Variants in KCNH7 observed in about 807,000 individuals in gnomAD.
KCNH7 encodes the protein potassium voltage-gated channel subfamily H member 7.
Under a neutral mutation model 120.8 loss-of-function variants are expected in KCNH7, and 49 were observed. The observed-to-expected ratio is 0.41, with a 90% CI of 0.32 to 0.51. The LOEUF (loss-of-function observed/expected upper bound fraction) is 0.51, where lower values mean the gene tolerates loss of function less well. KCNH7 is among the 20% of genes least tolerant of loss of function. KCNH7 has a pLI of 0.38. For missense variants in KCNH7, 1,097 were observed against 1,446.6 expected (o/e 0.76, Z 3.92); for synonymous variants, 547 against 516.1 (o/e 1.06, Z -0.81).
intron 6 of KCNH7, among the ~76,000 whole-genome samples, chr2:162,476,115 C>T (rs1057129019): frequency 2.0e-5 from 3 of 152,192 alleles, no homozygotes; most frequent in Non-Finnish European, 2.9e-5. Flanking sequence ...TATGAAGCCT[C>T]CCAAAGCCTG....
chr2:162,483,388 C>T (rs985624), intron 6 of KCNH7, among the ~76,000 whole-genome samples: 2,200 of 152,144 alleles, frequency 0.014, 62 homozygotes, highest in African/African-American at 0.049. Flanking sequence ...CCATATTTTG[C>T]TACATGGTCT....
intron 2 of KCNH7, among the ~76,000 whole-genome samples, chr2:162,593,399 C>T (rs1010785865): frequency 7.2e-5 from 11 of 152,148 alleles, no homozygotes; most frequent in African/African-American, 1.2e-4. Context: ...ATATTAAACA[C>T]TTCCAAATGC....
At chr2:162,688,840 G>C (rs1302044078) in intron 2 of KCNH7, among the ~76,000 whole-genome samples, 1 of 151,332 alleles carries the variant, frequency 6.6e-6, no homozygotes, top group Non-Finnish European at 1.5e-5. Context: ...GTCTCCCAGA[G>C]TTTTATAAGC....
At chr2:162,798,481 A>C (rs1245575076) in intron 2 of KCNH7, among the ~76,000 whole-genome samples, 2 of 152,054 alleles carry the variant, frequency 1.3e-5, no homozygotes, top group African/African-American at 4.8e-5. Context: ...ATATTAGGTG[A>C]CAGAATCTTG....
chr2:162,444,946 T>C (rs763721250), intron 7 of KCNH7, among the ~76,000 whole-genome samples: 1 of 151,660 alleles, frequency 6.6e-6, no homozygotes, highest in Non-Finnish European at 1.5e-5. Flanking sequence ...GAGGAGAAGG[T>C]AATATTATTA....
intron 2 of KCNH7, among the ~76,000 whole-genome samples, chr2:162,679,611 T>G (rs528823887): frequency 6.6e-6 from 1 of 151,716 alleles, no homozygotes; most frequent in Non-Finnish European, 1.5e-5. Context: ...CTTGCTTTTT[T>G]GTTATGAGTT....
intron 9 of KCNH7, among the ~76,000 whole-genome samples, chr2:162,411,063 A>G (rs1687377637): frequency 6.6e-6 from 1 of 152,106 alleles, no homozygotes; most frequent in African/African-American, 2.4e-5. Context: ...AGAACTTAAA[A>G]GAGAACTATT....
chr2:162,499,885 G>A (rs1178749472), intron 6 of KCNH7, among the ~76,000 whole-genome samples: 2 of 151,858 alleles, frequency 1.3e-5, no homozygotes, highest in East Asian at 3.9e-4. Flanking sequence ...CCTTCAAAAC[G>A]CACTTAAGGG....
intron 2 of KCNH7, among the ~76,000 whole-genome samples, chr2:162,752,908 G>T (rs143284179): frequency 8.3e-5 from 3 of 35,968 alleles, no homozygotes; most frequent in African/African-American, 2.6e-4. Flanking sequence ...CTCAGAAAAA[G>T]AAAAGAAAAG....
chr2:162,488,610 G>A (rs1271769041), intron 6 of KCNH7, among the ~76,000 whole-genome samples: 5 of 152,032 alleles, frequency 3.3e-5, no homozygotes, highest in African/African-American at 1.2e-4. Flanking sequence ...TACATCTCTG[G>A]AATGCCATGC....
chr2:162,463,643 T>C (rs968495932), intron 6 of KCNH7, among the ~76,000 whole-genome samples: 1 of 151,946 alleles, frequency 6.6e-6, no homozygotes, highest in East Asian at 1.9e-4. Context: ...GAGGATGAAG[T>C]TGGTTATTTG....
At chr2:162,477,620 T>A (rs1689789830) in intron 6 of KCNH7, among the ~76,000 whole-genome samples, 1 of 152,342 alleles carries the variant, frequency 6.6e-6, no homozygotes, top group African/African-American at 2.4e-5. Context: ...GCAAACATAT[T>A]ATAAATTCTA....
At chr2:162,439,231 A>G (rs1310374497) in intron 7 of KCNH7, among the ~76,000 whole-genome samples, 1 of 152,118 alleles carries the variant, frequency 6.6e-6, no homozygotes, top group Admixed American at 6.6e-5. Flanking sequence ...TGTCTCTTAG[A>G]TGGTATTTCT....
At chr2:162,714,440 T>C (rs1412942801) in intron 2 of KCNH7, among the ~76,000 whole-genome samples, 1 of 152,180 alleles carries the variant, frequency 6.6e-6, no homozygotes, top group Non-Finnish European at 1.5e-5. Context: ...ACAAAGCAGG[T>C]ACATTAACAA....
At chr2:162,638,649 T>C (rs1011926108) in intron 2 of KCNH7, among the ~76,000 whole-genome samples, 3 of 152,084 alleles carry the variant, frequency 2.0e-5, no homozygotes, top group Non-Finnish European at 2.9e-5. Context: ...CAATATGTAC[T>C]AGAAAAATGG....
chr2:162,828,039 A>G (rs76001552), intron 2 of KCNH7, among the ~76,000 whole-genome samples: 3,930 of 152,234 alleles, frequency 0.026, 165 homozygotes, highest in African/African-American at 0.089. Context: ...ATGTACGGCT[A>G]AAGATCAAAT....
intron 2 of KCNH7, among the ~76,000 whole-genome samples, chr2:162,697,100 A>C (rs566923222): frequency 1.3e-5 from 2 of 152,302 alleles, no homozygotes; most frequent in South Asian, 4.1e-4. Context: ...CCACCAATAA[A>C]TGTATAGGTC....
intron 2 of KCNH7, among the ~76,000 whole-genome samples, chr2:162,666,545 C>G (rs935110772): frequency 2.6e-5 from 4 of 151,984 alleles, no homozygotes; most frequent in Non-Finnish European, 5.9e-5. Flanking sequence ...CAAATAAAAC[C>G]TAGGGTGCTT....
chr2:162,423,639 G>A (rs908711858), intron 8 of KCNH7, 104 bp from the exon 9 acceptor site: 2 of 992,416 alleles, frequency 2.0e-6, no homozygotes, highest in Non-Finnish European at 2.9e-6. Flanking sequence ...AATCTAGTGG[G>A]GATTTACCAT....
Sources: gnomAD v4.1 joint callset for allele counts (sites outside exome capture counted in the v4.1 genomes callset) on GRCh38, gnomAD v4.1.1 for gene constraint, MANE v1.5 for transcripts, NCBI Gene and HGNC (gene_info 2026-07-23, HGNC 2026-07-21) for gene names.